Variants in MYOM2 observed in about 807,000 individuals in gnomAD.
MYOM2 encodes the protein myomesin 2.
Under a neutral mutation model 187.6 loss-of-function variants are expected in MYOM2, and 254 were observed. The observed-to-expected ratio is 1.35, with a 90% CI of 1.22 to 1.50. The LOEUF is 1.50. Ranked by LOEUF, MYOM2 falls within the 40% of genes most tolerant of loss-of-function variation. The pLI, the probability that MYOM2 is intolerant of heterozygous loss-of-function variation, is 0.00. For missense variants in MYOM2, 2,796 were observed against 1,924.0 expected, an observed-to-expected ratio of 1.45 and a Z score of -8.48; for synonymous variants, 981 against 753.8, an observed-to-expected ratio of 1.30 and a Z score of -4.94.
intron 28 of MYOM2, among the ~76,000 whole-genome samples, chr8:2,120,647 T>C (rs1797396334): frequency 9.9e-6 from 1 of 101,300 alleles, no homozygotes; most frequent in Admixed American, 1.2e-4. Context: ...TAATTTGCAA[T>C]TTGATTTCCT....
At chr8:2,097,121 A>T in intron 18 of MYOM2, 2 of 982,304 alleles carry the variant, frequency 2.0e-6, no homozygotes, top group Non-Finnish European at 2.4e-6. Flanking sequence ...ACACTCCAAC[A>T]GGAGGGCTTT....
rs753340592 is a variant in MYOM2, at chr8:2,102,779, C to G, written c.2732C>G (p.Pro911Arg). The change falls in exon 21 of 37, where the codon CCA (proline) becomes CGA (arginine). Residue 911 changes from proline (P) to arginine (R), a missense_variant and splice_region_variant. Coordinates refer to ENST00000262113, the MANE Select transcript of MYOM2 (RefSeq NM_003970.4). ...GAGCCTGTGCTGGTAGAGGCGAGAC[C>G]AGGTAAGGCTTACAACAAAAACTAC... ...TSEPVLVEAR[P>R]GTKEISAGVD... The G allele has an allele frequency of 6.2e-7, 1 of 1,611,316 alleles. No homozygotes were observed. Among genetic ancestry groups the G allele is most frequent in the South Asian group, 1.1e-5 (1 of 90,942 alleles).
At chr8:2,048,152 G>A (rs187224546) in intron 1 of MYOM2, among the ~76,000 whole-genome samples, 6 of 152,344 alleles carry the variant, frequency 3.9e-5, no homozygotes, top group Non-Finnish European at 4.4e-5. Flanking sequence ...AGTAGATACT[G>A]TGATGACACA....
chr8:2,107,284 C>G (rs1269946351), intron 23 of MYOM2, among the ~76,000 whole-genome samples: 1 of 152,090 alleles, frequency 6.6e-6, no homozygotes, highest in Non-Finnish European at 1.5e-5. Flanking sequence ...AGTGGTGCAG[C>G]GTGAACTCGT....
intron 18 of MYOM2, among the ~76,000 whole-genome samples, 168 bp from the exon 19 acceptor site, chr8:2,098,689 A>G (rs1796578347): frequency 6.6e-6 from 1 of 152,214 alleles, no homozygotes; most frequent in Admixed American, 6.5e-5. Context: ...ATGCGGCTGC[A>G]GCTCGTCGGC....
intron 31 of MYOM2, chr8:2,127,913 A>G (rs930158320): frequency 6.6e-6 from 1 of 152,374 alleles, no homozygotes; most frequent in Non-Finnish European, 1.5e-5. Flanking sequence ...ATGTGTATTT[A>G]AGGATAAAAG....
intron 14 of MYOM2, among the ~76,000 whole-genome samples, chr8:2,086,214 A>G (rs1172206395): frequency 0.052 from 330 of 6,326 alleles, 86 homozygotes; most frequent in African/African-American, 0.087. Context: ...CCCCACTGTC[A>G]TGATCTCTTT....
rs973663732 is a variant in MYOM2, at chr8:2,076,199, C to T, written c.1179C>T (p.Asp393=). 42 of 1,613,452 alleles carry T rather than the reference C, an allele frequency of 2.6e-5. No individual in the cohort carries two copies. The highest frequency in any genetic ancestry group is 5.0e-5 in the Admixed American group (3 of 59,968). ...CACCCATGGACTTGCAGTGCCACGACGCCAACCGGGACTACGTCATCGTGA... is the reference window on the plus strand; with the variant it reads ...CACCCATGGACTTGCAGTGCCACGATGCCAACCGGGACTACGTCATCGTGA... The part of the protein sequence containing the change: ...PGAPMDLQCH[D]ANRDYVIVTW... Residue 393 remains aspartate, a synonymous_variant, in exon 11 of 37, where the codon GAC becomes GAT. Coordinates refer to ENST00000262113, the MANE Select transcript of MYOM2 (RefSeq NM_003970.4).
rs761797407 is a variant in MYOM2 at position 2,073,323 on chromosome 8, G to A, written c.959-16G>A. On this transcript the variant is annotated splice_polypyrimidine_tract_variant and intron_variant, in intron 9 of 36. Transcript: ENST00000262113. ...GTGATTTTGGATGCAAACCTTCCGT[G>A]TTAACGCTCTTTCAGACGTGCTGTT... 1 of 1,597,222 alleles carries A rather than the reference G, an allele frequency of 6.3e-7. No homozygotes were observed. The highest frequency in any genetic ancestry group is 1.1e-5 in the South Asian group (1 of 89,676).
rs1035230559 is a variant in MYOM2 at position 2,057,391 on chromosome 8, C to T, written c.307C>T (p.Arg103Cys). The stretch of plus-strand genomic sequence containing the variant: ...CGCCTATGGTGAGGCCAAGCGACAG[C>T]GCTTCCTCAGCGAGCTGGCCCACTT... ...VAAYGEAKRQRFLSELAHLEE... is the reference protein window; with the variant it reads ...VAAYGEAKRQCFLSELAHLEE... The change falls in exon 4 of 37, where the codon CGC becomes TGC. Residue 103 changes from arginine (R) to cysteine (C), a missense_variant. Coordinates refer to ENST00000262113, the MANE Select transcript of MYOM2 (RefSeq NM_003970.4). 39 of 1,613,728 alleles carry T rather than the reference C, an allele frequency of 2.4e-5. No individual in the cohort carries two copies. The highest frequency in any genetic ancestry group is 5.3e-5 in the African/African-American group (4 of 74,932).
In MYOM2 at chr8:2,145,273, G is replaced by T; in HGVS notation, c.*292G>T. 1 of 523,054 alleles carries T rather than the reference G, an allele frequency of 1.9e-6. No homozygotes were observed. The highest frequency in any genetic ancestry group is 2.6e-5 in the South Asian group (1 of 39,184). The allele number at this position is 523,054 out of a possible 1,614,324, so 32.4% of individuals were successfully genotyped here. On this transcript the variant is annotated 3_prime_UTR_variant, in exon 37 of 37. Coordinates refer to ENST00000262113, the MANE Select transcript of MYOM2 (RefSeq NM_003970.4). Reference sequence around the variant, plus strand: ...ACACACTAGAATTTTCACGGGTGTGGGCACATGGGTGTGGCACCTGGACGT... The same window carrying T: ...ACACACTAGAATTTTCACGGGTGTGTGCACATGGGTGTGGCACCTGGACGT...
chr8:2,085,553 A>G (rs200058644), intron 14 of MYOM2, among the ~76,000 whole-genome samples, 163 bp downstream of exon 14: 1,907 of 6,954 alleles, frequency 0.27, 469 homozygotes, highest in African/African-American at 0.31. Flanking sequence ...CCCCACTGTC[A>G]TGATCTCTGC....
chr8:2,053,914 C>T (rs1798121842), intron 3 of MYOM2, among the ~76,000 whole-genome samples: 1 of 152,172 alleles, frequency 6.6e-6, no homozygotes, highest in Admixed American at 6.5e-5. Context: ...TCAGTTCTTT[C>T]CTCCTTTAAA....
chr8:2,090,292 C>A (rs144570102), intron 15 of MYOM2, 101 bp downstream of exon 15: 2 of 1,159,380 alleles, frequency 1.7e-6, no homozygotes, highest in African/African-American at 1.6e-5. Flanking sequence ...ATGTTATAAA[C>A]GAGTTGAAGT....
intron 35 of MYOM2, 76 bp downstream of exon 35, chr8:2,142,473 C>G (rs1798306871): frequency 4.9e-6 from 7 of 1,427,126 alleles, no homozygotes; most frequent in Admixed American, 3.3e-5. Context: ...TTTGGAGGAC[C>G]AACTTTGTGT....
rs751717958 is a variant in MYOM2, at chr8:2,090,028, C to G, written c.1665C>G (p.Ser555Arg). 46 of 1,613,714 alleles carry G rather than the reference C, an allele frequency of 2.9e-5. No homozygotes were observed. Among genetic ancestry groups the G allele is most frequent in the Non-Finnish European group, 3.5e-5 (41 of 1,179,900 alleles). The change falls in exon 15 of 37, where the codon AGC becomes AGG. Residue 555 changes from serine (S) to arginine (R), a missense_variant. Ser to Arg is a moderately radical substitution (Grantham distance 110). Coordinates refer to ENST00000262113, the MANE Select transcript of MYOM2 (RefSeq NM_003970.4). ...FIEKSVVGSG[S>R]WQRVNAQTAV... is the part of the protein sequence containing the mutation. ...TGTAGTCCGTGGTGGGGAGCGGCAGCTGGCAGAGAGTCAACGCCCAGACGG... is the reference window on the plus strand; with the variant it reads ...TGTAGTCCGTGGTGGGGAGCGGCAGGTGGCAGAGAGTCAACGCCCAGACGG...
In MYOM2 at chr8:2,109,405, G is replaced by A; in HGVS notation, c.3054G>A (p.Leu1018=). The A allele has an allele frequency of 6.2e-7, 1 of 1,605,934 alleles. No individual in the cohort carries two copies. Among genetic ancestry groups the A allele is most frequent in the Non-Finnish European group, 8.5e-7 (1 of 1,176,430 alleles). Residue 1018 remains leucine (L), a synonymous_variant, in exon 25 of 37, where the codon CTG becomes CTA. Transcript: ENST00000262113. Reference sequence around the variant, plus strand: ...CTTTTCTTCCTGTAGCAATTCCTCTGAAATCGGAATTAGCTTATGAGATTT... The same window carrying A: ...CTTTTCTTCCTGTAGCAATTCCTCTAAAATCGGAATTAGCTTATGAGATTT... ...SNEIKNPTIP[L]KSELAYEIFD... is the part of the protein sequence containing the mutation.
In MYOM2 at chr8:2,109,463, G is replaced by T. The variant is rs1796996993; in HGVS notation, c.3112G>T (p.Ala1038Ser). The T allele has an allele frequency of 4.3e-6, 7 of 1,613,396 alleles. No individual in the cohort carries two copies. The highest frequency in any genetic ancestry group is 1.1e-5 in the South Asian group (1 of 91,016). Residue 1038 changes from alanine to serine, a missense_variant, in exon 25 of 37, where the codon GCT becomes TCT. Ala to Ser is a moderately conservative substitution (Grantham distance 99, BLOSUM62 1). Coordinates refer to ENST00000262113, the MANE Select transcript of MYOM2 (RefSeq NM_003970.4). ...DKGRVRFWLQ[A>S]EHLSPDASYR... ...GGGGCGGGTTCGCTTCTGGCTCCAGGCTGAGCACTTATCACCAGATGCCAG... is the reference window on the plus strand; with the variant it reads ...GGGGCGGGTTCGCTTCTGGCTCCAGTCTGAGCACTTATCACCAGATGCCAG...
intron 25 of MYOM2, among the ~76,000 whole-genome samples, chr8:2,111,286 G>A (rs776002604): frequency 3.3e-5 from 5 of 152,156 alleles, no homozygotes; most frequent in Non-Finnish European, 7.3e-5. Context: ...ACATATAAAA[G>A]TCTGTATTTA....
Sources: allele counts gnomAD v4.1 joint callset (sites outside exome capture counted in the v4.1 genomes callset), GRCh38; gene constraint gnomAD v4.1.1; transcripts MANE v1.5; gene names NCBI Gene and HGNC (gene_info 2026-07-23, HGNC 2026-07-21).